Variants in ASIC2 observed in about 807,000 individuals in gnomAD.
The protein encoded by ASIC2 is acid sensing ion channel subunit 2, also known as acid-sensing ion channel 2.
Under a neutral mutation model 57.3 loss-of-function variants are expected in ASIC2, and 25 were observed. That is an observed-to-expected ratio of 0.44 (90% CI 0.32 to 0.61). The LOEUF is 0.61. ASIC2 is among the 20% of genes least tolerant of loss of function. ASIC2 has a pLI of 0.06. For missense variants in ASIC2, 641 were observed against 738.1 expected (o/e 0.87, Z 1.52); for synonymous variants, 319 against 307.5 (o/e 1.04, Z -0.39).
intron 1 of ASIC2, among the ~76,000 whole-genome samples, chr17:33,278,111 T>C (rs1904778608): frequency 6.6e-6 from 1 of 152,076 alleles, no homozygotes; most frequent in African/African-American, 2.4e-5. Flanking sequence ...CTGATCTCAG[T>C]GAAGATGTCA....
At chr17:33,233,354 G>C (rs1567793097) in intron 1 of ASIC2, among the ~76,000 whole-genome samples, 1 of 151,922 alleles carries the variant, frequency 6.6e-6, no homozygotes, top group Non-Finnish European at 1.5e-5. Flanking sequence ...TCATGCGCTA[G>C]GAGGTTTTCC....
intron 3 of ASIC2, among the ~76,000 whole-genome samples, chr17:33,077,188 T>G (rs2092092237): frequency 6.6e-6 from 1 of 152,052 alleles, no homozygotes; most frequent in Non-Finnish European, 1.5e-5. Flanking sequence ...GCCATCTTCC[T>G]GTCCTTTGTC....
intron 2 of ASIC2, among the ~76,000 whole-genome samples, chr17:33,092,773 C>T (rs1351002810): frequency 6.6e-6 from 1 of 152,216 alleles, no homozygotes; most frequent in Non-Finnish European, 1.5e-5. Context: ...ATTCATAGCT[C>T]TGGAGTTCTG....
intron 1 of ASIC2, among the ~76,000 whole-genome samples, chr17:33,764,926 T>A (rs1910890795): frequency 6.6e-6 from 1 of 152,136 alleles, no homozygotes; most frequent in Admixed American, 6.5e-5. Context: ...CTTCTGCTCA[T>A]GGACCATCAG....
At chr17:33,489,433 AGCCAGAATGGAACTG>A (rs1187942920) in intron 1 of ASIC2, among the ~76,000 whole-genome samples, 1 of 152,214 alleles carries the variant, frequency 6.6e-6, no homozygotes, top group Non-Finnish European at 1.5e-5. Flanking sequence ...CAGTGCTCGC[AGCCAGAATGGAACTG>A]GCTCTGCTTC....
chr17:33,024,134 A>T (rs2091850020), intron 5 of ASIC2, 120 bp from the exon 6 acceptor site: 1 of 1,320,168 alleles, frequency 7.6e-7, no homozygotes, highest in South Asian at 1.4e-5. Flanking sequence ...GTCTGGGGAA[A>T]GTGAGGGGCA....
At chr17:33,909,536 G>C (rs377167547) in intron 1 of ASIC2, among the ~76,000 whole-genome samples, 90 of 152,230 alleles carry the variant, frequency 5.9e-4, no homozygotes, top group African/African-American at 2.1e-3. Context: ...CCCATAGGCT[G>C]GGGGGAGGCA....
chr17:33,124,960 AG>A (rs1362354679), intron 1 of ASIC2, among the ~76,000 whole-genome samples: 1 of 27,812 alleles, frequency 3.6e-5, no homozygotes, highest in Non-Finnish European at 8.9e-5. Context: ...AGTTCACAAT[AG>A]GGTTCACGCT....
intron 1 of ASIC2, among the ~76,000 whole-genome samples, chr17:33,877,818 G>C (rs2141936957): frequency 6.6e-6 from 1 of 152,326 alleles, no homozygotes; most frequent in Non-Finnish European, 1.5e-5. Flanking sequence ...TCCTCAAGTG[G>C]GTTCCTGACC....
At chr17:33,897,469 T>C (rs1365057385) in intron 1 of ASIC2, among the ~76,000 whole-genome samples, 1 of 152,240 alleles carries the variant, frequency 6.6e-6, no homozygotes, top group Non-Finnish European at 1.5e-5. Context: ...TGCTATATGG[T>C]GGTATACAAC....
At chr17:33,683,472 A>G (rs911686686) in intron 1 of ASIC2, among the ~76,000 whole-genome samples, 2 of 152,192 alleles carry the variant, frequency 1.3e-5, no homozygotes, top group African/African-American at 4.8e-5. Context: ...CCCTGGCTCA[A>G]GTGATCCTCC....
chr17:34,023,589 TAAA>T, intron 1 of ASIC2, among the ~76,000 whole-genome samples: 1 of 152,236 alleles, frequency 6.6e-6, no homozygotes, highest in Middle Eastern at 3.4e-3. Flanking sequence ...AAGGCCCTCG[TAAA>T]AGAGGCTTCA....
intron 1 of ASIC2, among the ~76,000 whole-genome samples, chr17:33,807,348 T>G (rs1437204307): frequency 6.6e-6 from 1 of 152,148 alleles, no homozygotes; most frequent in Non-Finnish European, 1.5e-5. Flanking sequence ...TAATTCACTC[T>G]GCTATTTGAC....
chr17:33,943,448 G>A (rs1427648665), intron 1 of ASIC2, among the ~76,000 whole-genome samples: 1 of 152,170 alleles, frequency 6.6e-6, no homozygotes, highest in Non-Finnish European at 1.5e-5. Context: ...AGTTTGCAGA[G>A]TGCTTCCACA....
At chr17:33,186,964 C>T (rs562989159) in intron 1 of ASIC2, among the ~76,000 whole-genome samples, 1 of 152,276 alleles carries the variant, frequency 6.6e-6, no homozygotes, top group Non-Finnish European at 1.5e-5. Flanking sequence ...TTTTATACAA[C>T]AACCGGTGAT....
chr17:33,243,205 G>T (rs564563417), intron 1 of ASIC2, among the ~76,000 whole-genome samples: 97 of 152,288 alleles, frequency 6.4e-4, no homozygotes, highest in African/African-American at 2.3e-3. Context: ...ATTTCATAAT[G>T]ATTATTAGAA....
chr17:33,557,401 C>T (rs900063920), intron 1 of ASIC2, among the ~76,000 whole-genome samples: 1 of 152,150 alleles, frequency 6.6e-6, no homozygotes, highest in Non-Finnish European at 1.5e-5. Flanking sequence ...GTGCTAAGTG[C>T]AATGTTAACA....
intron 1 of ASIC2, among the ~76,000 whole-genome samples, chr17:33,999,805 A>C (rs1030062243): frequency 6.6e-6 from 1 of 152,160 alleles, no homozygotes; most frequent in Non-Finnish European, 1.5e-5. Context: ...CACCACCATT[A>C]CAGTATTAAA....
intron 1 of ASIC2, among the ~76,000 whole-genome samples, chr17:33,667,188 A>G (rs1907504113): frequency 6.6e-6 from 1 of 152,150 alleles, no homozygotes; most frequent in Non-Finnish European, 1.5e-5. Flanking sequence ...GCTTGTGTGC[A>G]TCTGGCAGCT....
Sources: gnomAD v4.1 joint callset for allele counts (sites outside exome capture counted in the v4.1 genomes callset) on GRCh38, gnomAD v4.1.1 for gene constraint, MANE v1.5 for transcripts, NCBI Gene and HGNC (gene_info 2026-07-23, HGNC 2026-07-21) for gene names.